The following CHORDC1 variants were observed in gnomAD, a reference collection of about 807,000 sequenced individuals.
CHORDC1 encodes cysteine and histidine rich domain containing 1.
CHORDC1 carries 25 observed loss-of-function variants against 48.3 expected under a neutral mutation model. The observed-to-expected ratio is 0.52, with a 90% confidence interval of 0.38 to 0.72. CHORDC1 has a LOEUF of 0.72. CHORDC1 is among the 30% of genes least tolerant of loss of function. CHORDC1 has a pLI of 0.00. For synonymous variants in CHORDC1, 128 were observed against 126.4 expected (o/e 1.01, Z -0.09); for missense variants, 317 against 388.7 (o/e 0.82, Z 1.55).
chr11:90,221,492 A>G (rs1858171209), intron 1 of CHORDC1, among the ~76,000 whole-genome samples: 1 of 152,208 alleles, frequency 6.6e-6, no homozygotes, highest in South Asian at 2.1e-4. Flanking sequence ...ATGGATACAG[A>G]CTTCCAACAA....
At position 90,222,864 on chromosome 11, in the gene CHORDC1, G is replaced by A. The variant is rs116217900; in HGVS notation, c.64+27C>T. On this transcript the variant is annotated intron_variant, in intron 1 of 10. Coordinates refer to ENST00000320585, the MANE Select transcript of CHORDC1 (RefSeq NM_012124.3). ...CCCCTGCTGATGAGGTGGAGGGGAG[G>A]GAGGGCTGGCGGCGCGTTCCTCTTA... 1,882 of 1,606,100 alleles carry A rather than the reference G, an allele frequency of 1.2e-3. 26 individuals are homozygous for A. In the African/African-American group the frequency reaches 0.022, roughly 19 times the overall value.
At chr11:90,222,724 G>C (rs569316446) in intron 1 of CHORDC1, 167 bp downstream of exon 1, 61 of 726,206 alleles carry the variant, frequency 8.4e-5, no homozygotes, top group Non-Finnish European at 1.5e-4. Flanking sequence ...GCGCAACAGA[G>C]GGGCGGCCGG....
chr11:90,206,413 A>C, intron 6 of CHORDC1, 141 bp from the exon 7 acceptor site: 1 of 581,544 alleles, frequency 1.7e-6, no homozygotes. Context: ...AATCCATCCC[A>C]CGCCATTCTG....
At chr11:90,215,102 C>T (rs1857974002) in intron 3 of CHORDC1, 72 bp downstream of exon 3, 10 of 842,698 alleles carry the variant, frequency 1.2e-5, no homozygotes, top group Non-Finnish European at 1.8e-5. Context: ...AGAAATCAGA[C>T]TCCTCAAATC....
At chr11:90,212,671 A>C (rs1399140532) in intron 4 of CHORDC1, 1 of 152,198 alleles carries the variant, frequency 6.6e-6, no homozygotes, top group African/African-American at 2.4e-5. Context: ...AAATGAATTT[A>C]GGATAAAATA....
intron 4 of CHORDC1, chr11:90,213,780 TC>T: frequency 2.1e-6 from 1 of 470,368 alleles, no homozygotes; most frequent in South Asian, 4.6e-5. Context: ...ATGATACATG[TC>T]CCTGTAATTA....
intron 10 of CHORDC1, 110 bp downstream of exon 10, chr11:90,202,703 T>G (rs1771980267): frequency 7.1e-7 from 1 of 1,400,338 alleles, no homozygotes; most frequent in Non-Finnish European, 9.7e-7. Context: ...GGATACACTG[T>G]TAAGTTATAC....
intron 1 of CHORDC1, among the ~76,000 whole-genome samples, chr11:90,222,297 C>T (rs747665139): frequency 1.3e-5 from 2 of 152,208 alleles, no homozygotes; most frequent in Non-Finnish European, 2.9e-5. Flanking sequence ...AAAAAGATAA[C>T]TAACGTACCA....
rs1229101990 is a variant in CHORDC1 at position 90,222,940 on chromosome 11, G to C, written c.15C>G (p.Cys5Trp). Reference sequence around the variant, plus strand: ...AGCGCTGACCGCAGCCCCGGTTGTAGCACAGCAAGGCCATTTTCTTTTCCC... The same window carrying C: ...AGCGCTGACCGCAGCCCCGGTTGTACCACAGCAAGGCCATTTTCTTTTCCC... Reference protein sequence around the residue: MALLCYNRGCGQRFD... With the variant: MALLWYNRGCGQRFD... Residue 5 changes from cysteine to tryptophan, a missense_variant, in exon 1 of 11, where the codon TGC (cysteine) becomes TGG (tryptophan). Cys to Trp is a radical substitution (Grantham distance 215). Coordinates refer to ENST00000320585, the MANE Select transcript of CHORDC1 (RefSeq NM_012124.3). The C allele has an allele frequency of 1.9e-6, 3 of 1,614,032 alleles. No individual in the cohort carries two copies. The highest frequency in any genetic ancestry group is 8.5e-7 in the Non-Finnish European group (1 of 1,179,902).
chr11:90,206,055 G>C, intron 7 of CHORDC1, 147 bp downstream of exon 7: 2 of 657,818 alleles, frequency 3.0e-6, no homozygotes, highest in Non-Finnish European at 5.5e-6. Flanking sequence ...ACAAACCCCT[G>C]TGTTTGTGTA....
intron 3 of CHORDC1, among the ~76,000 whole-genome samples, chr11:90,214,873 T>C (rs550144099): frequency 6.6e-6 from 1 of 152,076 alleles, no homozygotes; most frequent in Non-Finnish European, 1.5e-5. Flanking sequence ...AACTTTATCG[T>C]TCCTAACTGA....
intron 1 of CHORDC1, among the ~76,000 whole-genome samples, chr11:90,220,279 A>T (rs1219255508): frequency 1.3e-5 from 2 of 152,178 alleles, no homozygotes; most frequent in Admixed American, 6.5e-5. Flanking sequence ...TTCCTTAGTA[A>T]CCATGTGCTG....
intron 4 of CHORDC1, chr11:90,213,540 ACTT>A: frequency 1.8e-6 from 1 of 552,890 alleles, no homozygotes; most frequent in Non-Finnish European, 3.3e-6. Flanking sequence ...TTTTAAGACT[ACTT>A]TCACAAATAT....
intron 6 of CHORDC1, chr11:90,206,848 A>G (rs1591050631): frequency 2.1e-6 from 2 of 952,028 alleles, no homozygotes; most frequent in South Asian, 2.7e-5. Flanking sequence ...TTAATAAAAC[A>G]TGGATGTAGC....
At chr11:90,212,688 T>G (rs1367825004) in intron 4 of CHORDC1, 16 of 152,154 alleles carry the variant, frequency 1.1e-4, no homozygotes, top group Admixed American at 1.0e-3. Context: ...AATATTTAGT[T>G]TTTCTCATCT....
intron 4 of CHORDC1, chr11:90,213,674 T>C (rs908436261): frequency 4.5e-6 from 2 of 448,002 alleles, no homozygotes; most frequent in Non-Finnish European, 7.9e-6. Context: ...TTCAAACTCA[T>C]GCCATGAAAA....
At chr11:90,222,781 G>C (rs555700913) in intron 1 of CHORDC1, 110 bp downstream of exon 1, 138 of 1,021,352 alleles carry the variant, frequency 1.4e-4, no homozygotes, top group Middle Eastern at 1.2e-3. Context: ...GCATGGACCT[G>C]GGGCCGCGCG....
At chr11:90,205,646 T>C in intron 7 of CHORDC1, 81 bp from the exon 8 acceptor site, 1 of 868,858 alleles carries the variant, frequency 1.2e-6, no homozygotes, top group African/African-American at 1.7e-5. Flanking sequence ...ATAAATCTGA[T>C]TTTTAATAAG....
intron 6 of CHORDC1, chr11:90,208,236 C>A (rs1006624173): frequency 6.6e-6 from 1 of 152,098 alleles, no homozygotes; most frequent in Non-Finnish European, 1.5e-5. Flanking sequence ...AGTTTGAGAC[C>A]AGCCTGGCCA....
Sources: gnomAD v4.1 joint callset for allele counts (sites outside exome capture counted in the v4.1 genomes callset) on GRCh38, gnomAD v4.1.1 for gene constraint, MANE v1.5 for transcripts, NCBI Gene and HGNC (gene_info 2026-07-23, HGNC 2026-07-21) for gene names.